Variants in SLC12A2 observed in about 807,000 individuals in gnomAD.
SLC12A2 encodes the protein solute carrier family 12 member 2.
In SLC12A2, 67 loss-of-function variants were observed where a neutral mutation model predicts 136.3. That is an observed-to-expected ratio of 0.49 (90% CI 0.40 to 0.60). The LOEUF (loss-of-function observed/expected upper bound fraction) is 0.60, where lower values mean the gene tolerates loss of function less well. SLC12A2 is among the 20% of genes least tolerant of loss of function. The pLI, the probability that SLC12A2 is intolerant of heterozygous loss-of-function variation, is 0.00. For missense variants in SLC12A2, 1,322 were observed against 1,534.7 expected, an observed-to-expected ratio of 0.86 and a Z score of 2.32; for synonymous variants, 619 against 562.9, an observed-to-expected ratio of 1.10 and a Z score of -1.41.
At position 128,188,285 on chromosome 5, in the gene SLC12A2, A is replaced by C. The variant is rs894826713; in HGVS notation, c.*1654A>C. 1.4e-5 allele frequency: 2 copies of C among 143,456 alleles called. No individual in the cohort carries two copies. Among genetic ancestry groups the C allele is most frequent in the South Asian group, 2.1e-4 (1 of 4,696 alleles). 8.9% of individuals were successfully genotyped at this position (143,456 alleles called of 1,614,324 possible). ...TGGAAAATTTATGCAGGTTTTCACG[A>C]ATCCTTTTTTTTTTTTTTTTTTTTT... On this transcript the variant is annotated 3_prime_UTR_variant, in exon 27 of 27. Coordinates refer to ENST00000262461, the MANE Select transcript of SLC12A2 (RefSeq NM_001046.3).
intron 18 of SLC12A2, chr5:128,168,965 A>G (rs1257431991): frequency 6.6e-6 from 1 of 151,896 alleles, no homozygotes; most frequent in Non-Finnish European, 1.5e-5. Flanking sequence ...CTGTTTGTGG[A>G]TTTTGTGGAT....
At chr5:128,121,022 G>A (rs1761555611) in intron 4 of SLC12A2, among the ~76,000 whole-genome samples, 1 of 152,116 alleles carries the variant, frequency 6.6e-6, no homozygotes, top group Non-Finnish European at 1.5e-5. Context: ...CTTTGCGGAA[G>A]TGTGAATTCA....
rs73784513 is a variant in SLC12A2 at position 128,109,925 on chromosome 5, C to T, written c.757-2889C>T. The T allele has an allele frequency of 5.8e-3, 4,741 of 820,256 alleles. 153 individuals carry two copies. In the African/African-American group the frequency reaches 0.068, roughly 12 times the overall value. The allele number at this position is 820,256 out of a possible 1,614,324, so 50.8% of individuals were successfully genotyped here. A position where few individuals can be genotyped will look rare whatever the true frequency, so the allele number is the denominator to read the frequency against. ...TTTGCAAGATAGTGCAGCCTGGCTA[C>T]GGGGGATGAACTGCCCAACTGGAAA... On this transcript the variant is annotated intron_variant, in intron 1 of 26. Transcript: ENST00000262461.
At chr5:128,097,614 A>T (rs1203535334) in intron 1 of SLC12A2, among the ~76,000 whole-genome samples, 1 of 151,870 alleles carries the variant, frequency 6.6e-6, no homozygotes, top group Non-Finnish European at 1.5e-5. Context: ...TCTTTGCATT[A>T]TTTTTTAGTG....
chr5:128,112,608 A>G (rs950959941), intron 1 of SLC12A2, among the ~76,000 whole-genome samples: 2 of 152,188 alleles, frequency 1.3e-5, no homozygotes, highest in Non-Finnish European at 1.5e-5. Context: ...TGAGACTTAA[A>G]TTTTAAGAAA....
intron 26 of SLC12A2, 35 bp from the exon 27 acceptor site, chr5:128,186,461 G>GTTTTTTTTTT (rs11382084): frequency 1.2e-4 from 164 of 1,323,354 alleles, no homozygotes; most frequent in South Asian, 3.1e-4. Flanking sequence ...ATTGCTCAGG[G>GTTTTTTTTTT]TTTTTTTTTT....
chr5:128,184,287 T>A, intron 24 of SLC12A2, 79 bp from the exon 25 acceptor site: 1 of 962,748 alleles, frequency 1.0e-6, no homozygotes, highest in Non-Finnish European at 1.5e-6. Context: ...CTTTGCAAGT[T>A]ACAATTTAAT....
At chr5:128,167,215 T>C (rs1453548610) in intron 17 of SLC12A2, among the ~76,000 whole-genome samples, 2 of 152,106 alleles carry the variant, frequency 1.3e-5, no homozygotes, top group Non-Finnish European at 2.9e-5. Context: ...AATTCCCTAT[T>C]GTTAAACATA....
chr5:128,121,942 A>G (rs976856344), intron 4 of SLC12A2, among the ~76,000 whole-genome samples: 4 of 152,160 alleles, frequency 2.6e-5, no homozygotes, highest in Admixed American at 6.5e-5. Flanking sequence ...TGCATTTCCT[A>G]GATTACACAG....
intron 1 of SLC12A2, among the ~76,000 whole-genome samples, chr5:128,103,197 A>G (rs1760807669): frequency 1.3e-5 from 2 of 152,306 alleles, no homozygotes; most frequent in South Asian, 2.1e-4. Flanking sequence ...AACAGTTTAT[A>G]TTCTCACCGG....
rs570572886 is a variant in SLC12A2 at position 128,154,968 on chromosome 5, T to C, written c.2363+2163T>C. 3.3e-5 allele frequency among the ~76,000 whole-genome samples: 5 copies of C among 152,080 alleles called. No homozygotes were observed. In the South Asian group the frequency reaches 1.0e-3, roughly 32 times the overall value. On this transcript the variant is annotated intron_variant, in intron 15 of 26. Coordinates refer to ENST00000262461, the MANE Select transcript of SLC12A2 (RefSeq NM_001046.3). The stretch of plus-strand genomic sequence containing the variant: ...ACCTTTTCACTTAAAGGAAGCATTT[T>C]ACAGTTTTTTTTTTTGGCATATTCA...
chr5:128,124,878 T>C (rs1367860361), intron 4 of SLC12A2, among the ~76,000 whole-genome samples: 1 of 152,162 alleles, frequency 6.6e-6, no homozygotes, highest in Non-Finnish European at 1.5e-5. Flanking sequence ...CCGGAAGCTA[T>C]GTAAGGGCCC....
chr5:128,098,782 C>T (rs1326004829), intron 1 of SLC12A2, among the ~76,000 whole-genome samples: 1 of 151,980 alleles, frequency 6.6e-6, no homozygotes, highest in Non-Finnish European at 1.5e-5. Flanking sequence ...TAGGTTGGCC[C>T]CTGGGGAGTC....
chr5:128,140,167 T>A (rs1450160090), intron 9 of SLC12A2, among the ~76,000 whole-genome samples: 1 of 151,936 alleles, frequency 6.6e-6, no homozygotes, highest in Non-Finnish European at 1.5e-5. Flanking sequence ...CCTGGCTAAT[T>A]TTTGTATTTT....
intron 1 of SLC12A2, among the ~76,000 whole-genome samples, chr5:128,107,880 A>G (rs779501545): frequency 7.2e-5 from 11 of 152,044 alleles, no homozygotes; most frequent in Non-Finnish European, 1.0e-4. Context: ...GTCTTTCACA[A>G]TGGTTGAACT....
rs145505519 is a variant in SLC12A2, at chr5:128,180,316, G to A, written c.3101-567G>A. Among the ~76,000 whole-genome samples the A allele has an allele frequency of 9.8e-4, 149 of 152,182 alleles. 1 individual carries two copies. The highest frequency in any genetic ancestry group is 3.4e-3 in the Middle Eastern group (1 of 294). On this transcript the variant is annotated intron_variant, in intron 22 of 26. Transcript: ENST00000262461. Reference sequence around the variant, plus strand: ...AATACAAGAAGATGTTCCAGGCTCAGTTTTATTGTTTTGCACTTTCCCTTC... The same window carrying A: ...AATACAAGAAGATGTTCCAGGCTCAATTTTATTGTTTTGCACTTTCCCTTC...
chr5:128,140,549 T>G (rs1383905023), intron 9 of SLC12A2, among the ~76,000 whole-genome samples: 1 of 152,212 alleles, frequency 6.6e-6, no homozygotes, highest in Non-Finnish European at 1.5e-5. Flanking sequence ...TATTTTACCG[T>G]CTAACATTGC....
Position 128,135,871 on chromosome 5 carries a change from A to G in SLC12A2, c.1408+63A>G, listed in dbSNP as rs574715299. On this transcript the variant is annotated intron_variant, in intron 7 of 26. Transcript: ENST00000262461. The stretch of plus-strand genomic sequence containing the variant: ...ATTTATAGAATTCTATCATCAATTA[A>G]ATTTTGTACATTTCAGATATTTTGT... 3.4e-4 allele frequency: 309 copies of G among 896,526 alleles called. 2 individuals carry two copies. The highest frequency in any genetic ancestry group is 7.8e-5 in the Non-Finnish European group (43 of 554,532). The allele number at this position is 896,526 out of a possible 1,614,324, so 55.5% of individuals were successfully genotyped here. A position where few individuals can be genotyped will look rare whatever the true frequency, so the allele number is the denominator to read the frequency against.
intron 1 of SLC12A2, among the ~76,000 whole-genome samples, chr5:128,089,532 A>T (rs1043321909): frequency 1.1e-4 from 16 of 152,156 alleles, no homozygotes; most frequent in African/African-American, 3.9e-4. Flanking sequence ...GATAACAAAG[A>T]TGTTGAGGGG....
Sources: allele counts gnomAD v4.1 joint callset (sites outside exome capture counted in the v4.1 genomes callset), GRCh38; gene constraint gnomAD v4.1.1; transcripts MANE v1.5; gene names NCBI Gene and HGNC (gene_info 2026-07-23, HGNC 2026-07-21).